PRPF39: variants seen among roughly 807,000 people sequenced by gnomAD.
The protein encoded by PRPF39 is pre-mRNA-processing factor 39.
In PRPF39, 27 loss-of-function variants were observed where a neutral mutation model predicts 82.1. The ratio of observed to expected loss-of-function variants is 0.33; its 90% confidence interval spans 0.24 to 0.45. The LOEUF is 0.45. PRPF39 is among the 20% of genes least tolerant of loss of function. PRPF39 has a pLI of 1.00. For synonymous variants in PRPF39, 261 were observed against 256.4 expected, an observed-to-expected ratio of 1.02 and a Z score of -0.17; for missense variants, 581 against 796.9, an observed-to-expected ratio of 0.73 and a Z score of 3.26.
In PRPF39 at chr14:45,085,387, A is replaced by G. The variant is rs569788458; in HGVS notation, c.-20+1138A>G. ...AGGTGGTATGAGACACTATTTGTGT[A>G]AAGTCTCAGAATATTTTTCCTTGCT... On this transcript the variant is annotated intron_variant, in intron 1 of 13. Coordinates refer to ENST00000355765, the MANE Select transcript of PRPF39 (RefSeq NM_017922.4). Among the ~76,000 whole-genome samples, 10 of 152,328 alleles carry G rather than the reference A, an allele frequency of 6.6e-5. No homozygotes were observed. In the South Asian group the frequency reaches 1.9e-3, roughly 28 times the overall value.
In PRPF39 at chr14:45,109,795, T is replaced by C; in HGVS notation, c.1176+15T>C. The C allele has an allele frequency of 6.3e-7, 1 of 1,582,026 alleles. No individual in the cohort carries two copies. The highest frequency in any genetic ancestry group is 1.2e-5 in the South Asian group (1 of 86,104). On this transcript the variant is annotated intron_variant, in intron 8 of 13. Coordinates refer to ENST00000355765, the MANE Select transcript of PRPF39 (RefSeq NM_017922.4). ...TTTGGATTAAGGTAAGAAAATCATG[T>C]GCTCTTAAACTTGAATATATTATAA...
At chr14:45,103,784 A>T (rs2139055253) in intron 5 of PRPF39, among the ~76,000 whole-genome samples, 1 of 152,328 alleles carries the variant, frequency 6.6e-6, no homozygotes, top group African/African-American at 2.4e-5. Flanking sequence ...CAAACACATA[A>T]GTACAAAAGT....
At chr14:45,114,787 T>C in intron 13 of PRPF39, 70 bp from the exon 14 acceptor site, 2 of 1,431,032 alleles carry the variant, frequency 1.4e-6, no homozygotes, top group Non-Finnish European at 9.7e-7. Context: ...ATAGCTGCTT[T>C]AATTATACTT....
chr14:45,099,765 T>A (rs1296572797), intron 4 of PRPF39, among the ~76,000 whole-genome samples: 1 of 152,152 alleles, frequency 6.6e-6, no homozygotes, highest in Non-Finnish European at 1.5e-5. Context: ...TATCCAAGAA[T>A]CTTTCTTGTT....
In PRPF39 at chr14:45,100,603, G is replaced by A. The variant is rs546036944; in HGVS notation, c.570-1926G>A. On this transcript the variant is annotated intron_variant, in intron 4 of 13. Coordinates refer to ENST00000355765, the MANE Select transcript of PRPF39 (RefSeq NM_017922.4). ...TTTCTCCATACTTTTTTCAGTGTCT[G>A]GTTAATTTTCTGAATCATTTGGGGT... Among the ~76,000 whole-genome samples, 3 of 152,062 alleles carry A rather than the reference G, an allele frequency of 2.0e-5. No individual in the cohort carries two copies. The East Asian group carries it at 5.8e-4, about 29-fold the overall frequency.
At chr14:45,112,189 G>T (rs12894248) in intron 10 of PRPF39, 129 bp from the exon 11 acceptor site, 1 of 837,474 alleles carries the variant, frequency 1.2e-6, no homozygotes, top group Non-Finnish European at 1.7e-6. Context: ...AAAACATTTA[G>T]CATGAGTTGT....
At chr14:45,107,758 G>A (rs1884580526) in intron 6 of PRPF39, 142 bp downstream of exon 6, 1 of 780,642 alleles carries the variant, frequency 1.3e-6, no homozygotes, top group Admixed American at 2.9e-5. Flanking sequence ...GTGAAACCCT[G>A]TCTATACTAA....
chr14:45,109,064 T>C (rs1594735682), intron 7 of PRPF39, among the ~76,000 whole-genome samples: 1 of 152,198 alleles, frequency 6.6e-6, no homozygotes, highest in East Asian at 1.9e-4. Context: ...TCACTACCCC[T>C]ACCTCCTCAG....
intron 1 of PRPF39, among the ~76,000 whole-genome samples, chr14:45,086,966 C>T (rs1259909377): frequency 6.6e-6 from 1 of 150,828 alleles, no homozygotes; most frequent in Non-Finnish European, 1.5e-5. Flanking sequence ...TGTGCATTCA[C>T]TGTGGTATAT....
intron 5 of PRPF39, 64 bp downstream of exon 5, chr14:45,102,760 A>C (rs1884414664): frequency 7.3e-7 from 1 of 1,379,184 alleles, no homozygotes; most frequent in East Asian, 2.5e-5. Context: ...AATATTAAGT[A>C]TTATAATTAT....
chr14:45,090,618 A>G (rs1229894889), intron 1 of PRPF39, among the ~76,000 whole-genome samples: 1 of 152,078 alleles, frequency 6.6e-6, no homozygotes, highest in African/African-American at 2.4e-5. Context: ...TTTCAAAGTT[A>G]ATTATATTTC....
chr14:45,097,955 A>C (rs1033388724), intron 4 of PRPF39, among the ~76,000 whole-genome samples: 1 of 152,138 alleles, frequency 6.6e-6, no homozygotes, highest in Non-Finnish European at 1.5e-5. Flanking sequence ...CAGTAGATCT[A>C]TGTTGCTTTC....
intron 7 of PRPF39, 21 bp from the exon 8 acceptor site, chr14:45,109,595 C>T: frequency 6.3e-7 from 1 of 1,583,462 alleles, no homozygotes; most frequent in African/African-American, 1.4e-5. Flanking sequence ...CTTTCATTGG[C>T]ATGTTACAAT....
At chr14:45,111,384 G>T (rs1475773328) in intron 10 of PRPF39, among the ~76,000 whole-genome samples, 1 of 152,010 alleles carries the variant, frequency 6.6e-6, no homozygotes, top group Non-Finnish European at 1.5e-5. Context: ...GCCTAAGCTG[G>T]AGTGCAGTGG....
At chr14:45,112,199 T>TATTTTATTTTA (rs1444690769) in intron 10 of PRPF39, 119 bp from the exon 11 acceptor site, 1 of 906,688 alleles carries the variant, frequency 1.1e-6, no homozygotes, top group African/African-American at 1.7e-5. Flanking sequence ...GCATGAGTTG[T>TATTTTATTTTA]ATTTTAATAC....
chr14:45,095,225 T>C lies in PRPF39; in HGVS notation c.-15T>C, dbSNP rs1359652973. On this transcript the variant is annotated 5_prime_UTR_variant, in exon 2 of 14. Transcript: ENST00000355765. ...CTTTTTTTCGTGTTTCCACAGATCG[T>C]TAACTGAAGACAATATGCAAAATTC... is the stretch of plus-strand genomic sequence containing the variant. The C allele has an allele frequency of 7.1e-6, 11 of 1,550,632 alleles. No individual in the cohort carries two copies. Among genetic ancestry groups the C allele is most frequent in the Non-Finnish European group, 7.9e-6 (9 of 1,135,846 alleles).
chr14:45,094,667 T>G (rs764738222), intron 1 of PRPF39, among the ~76,000 whole-genome samples: 2 of 152,230 alleles, frequency 1.3e-5, no homozygotes, highest in Non-Finnish European at 2.9e-5. Context: ...GAAACCTAGC[T>G]GTCAGGATTT....
intron 6 of PRPF39, 78 bp downstream of exon 6, chr14:45,107,694 C>G: frequency 5.7e-6 from 8 of 1,413,552 alleles, no homozygotes; most frequent in Non-Finnish European, 7.6e-6. Context: ...TTTGGGAGGC[C>G]AAGGTAGGCG....
intron 11 of PRPF39, 57 bp downstream of exon 11, chr14:45,112,559 A>T: frequency 7.2e-7 from 1 of 1,391,320 alleles, no homozygotes; most frequent in Non-Finnish European, 9.4e-7. Flanking sequence ...ATATTTTTGT[A>T]TGGGGATTTG....
Sources: gnomAD v4.1 joint callset for allele counts (sites outside exome capture counted in the v4.1 genomes callset) on GRCh38, gnomAD v4.1.1 for gene constraint, MANE v1.5 for transcripts, NCBI Gene and HGNC (gene_info 2026-07-23, HGNC 2026-07-21) for gene names.